The following ALK variants were observed in gnomAD, a reference collection of about 807,000 sequenced individuals.
ALK encodes ALK tyrosine kinase receptor.
ALK carries 74 observed loss-of-function variants against 163.1 expected under a neutral mutation model. That is an observed-to-expected ratio of 0.45 (90% confidence interval 0.38 to 0.55). The LOEUF is 0.55. ALK is among the 20% of genes least tolerant of loss of function. The pLI is 0.00. For synonymous variants in ALK, 960 were observed against 843.2 expected (o/e 1.14, Z -2.40); for missense variants, 2,063 against 2,105.3 (o/e 0.98, Z 0.39).
At chr2:29,329,375 T>A (rs1667371829) in intron 5 of ALK, among the ~76,000 whole-genome samples, 1 of 152,194 alleles carries the variant, frequency 6.6e-6, no homozygotes, top group African/African-American at 2.4e-5. Flanking sequence ...GGGGACCACC[T>A]CACAAGGCCT....
intron 19 of ALK, chr2:29,224,605 G>A (rs951233135): frequency 4.4e-6 from 1 of 228,198 alleles, no homozygotes; most frequent in African/African-American, 2.2e-5. Context: ...ATGGGCCAGG[G>A]CAAATGAGTC....
At chr2:29,265,574 C>T (rs547621851) in intron 11 of ALK, among the ~76,000 whole-genome samples, 83 of 152,328 alleles carry the variant, frequency 5.4e-4, no homozygotes, top group African/African-American at 1.9e-3. Flanking sequence ...TTCTTTTTAA[C>T]ATTTTTCCTA....
rs1553402765 is a variant in ALK, at chr2:29,275,439, A to C, written c.1875T>G (p.Phe625Leu). The C allele has an allele frequency of 3.7e-6, 6 of 1,614,142 alleles. No individual in the cohort carries two copies. Among genetic ancestry groups the C allele is most frequent in the Non-Finnish European group, 5.1e-6 (6 of 1,180,030 alleles). The change falls in exon 10 of 29, where the codon TTT (phenylalanine) becomes TTG (leucine). Residue 625 changes from phenylalanine to leucine, a missense_variant. By Grantham distance (22) the Phe-to-Leu change is conservative. Coordinates refer to ENST00000389048, the MANE Select transcript of ALK (RefSeq NM_004304.5). ...AGTCCAGGCTGATGGAGATATTGTC[A>C]AAAGCCACGATGGCTCTGGATCCTT... ...WGQGSRAIVA[F>L]DNISISLDCY... is the part of the protein sequence containing the mutation.
intron 3 of ALK, among the ~76,000 whole-genome samples, chr2:29,566,248 T>C (rs961418746): frequency 6.6e-6 from 1 of 152,226 alleles, no homozygotes; most frequent in African/African-American, 2.4e-5. Flanking sequence ...ATGATTTGAT[T>C]GGCCACAACA....
intron 1 of ALK, among the ~76,000 whole-genome samples, chr2:29,891,246 C>T (rs552535748): frequency 4.8e-4 from 73 of 152,272 alleles, no homozygotes; most frequent in African/African-American, 1.7e-3. Flanking sequence ...GGGGTAAAGG[C>T]TCATCTTCTT....
At chr2:29,825,239 C>G (rs1034469087) in intron 1 of ALK, among the ~76,000 whole-genome samples, 1 of 152,178 alleles carries the variant, frequency 6.6e-6, no homozygotes, top group African/African-American at 2.4e-5. Context: ...ATGTCTTTAT[C>G]AGCAGCATGA....
At chr2:29,744,409 G>T (rs1190692039) in intron 1 of ALK, among the ~76,000 whole-genome samples, 1 of 152,120 alleles carries the variant, frequency 6.6e-6, no homozygotes. Context: ...TTAAAACAAT[G>T]ACAGCATTTA....
At chr2:29,217,130 GT>G (rs1310088700) in intron 23 of ALK, among the ~76,000 whole-genome samples, 6 of 1,310 alleles carry the variant, frequency 4.6e-3, no homozygotes, top group South Asian at 0.083. Context: ...GGCGTGTGTG[GT>G]GTGTGTGTGT....
chr2:29,820,503 T>A (rs10193675), intron 1 of ALK, among the ~76,000 whole-genome samples: 6,254 of 152,292 alleles, frequency 0.041, 411 homozygotes, highest in African/African-American at 0.14. Flanking sequence ...GGGAATTTGT[T>A]ATGCTGCAGT....
chr2:29,365,066 G>A (rs1008093059), intron 5 of ALK, among the ~76,000 whole-genome samples: 2 of 152,174 alleles, frequency 1.3e-5, no homozygotes, highest in African/African-American at 4.8e-5. Context: ...GTTGAGTTCG[G>A]TGGATGCTGT....
At chr2:29,262,353 CAT>C (rs1406333671) in intron 11 of ALK, among the ~76,000 whole-genome samples, 13 of 152,312 alleles carry the variant, frequency 8.5e-5, no homozygotes, top group South Asian at 4.1e-4. Context: ...CAGGTACACA[CAT>C]GTGTGTGCTT....
chr2:29,375,566 C>G (rs151216381), intron 5 of ALK, among the ~76,000 whole-genome samples: 21,769 of 152,180 alleles, frequency 0.14, 1,783 homozygotes, highest in Non-Finnish European at 0.19. Flanking sequence ...ATCTGCCCGC[C>G]TCGGCCTCCC....
At chr2:29,793,304 A>G (rs566436333) in intron 1 of ALK, among the ~76,000 whole-genome samples, 1 of 152,250 alleles carries the variant, frequency 6.6e-6, no homozygotes, top group South Asian at 2.1e-4. Flanking sequence ...TGCTATTTCC[A>G]TCACATCTCC....
chr2:29,723,386 C>T (rs1679476623), intron 1 of ALK, among the ~76,000 whole-genome samples: 1 of 152,206 alleles, frequency 6.6e-6, no homozygotes, highest in East Asian at 1.9e-4. Context: ...AAAGAATTTC[C>T]CTGGTCATCC....
At chr2:29,472,031 C>T (rs1671358321) in intron 4 of ALK, among the ~76,000 whole-genome samples, 1 of 152,242 alleles carries the variant, frequency 6.6e-6, no homozygotes, top group South Asian at 2.1e-4. Context: ...GCGTGAGCCA[C>T]TGCACCCAGC....
intron 1 of ALK, among the ~76,000 whole-genome samples, chr2:29,831,396 G>C (rs1665416764): frequency 1.3e-5 from 2 of 151,636 alleles, no homozygotes; most frequent in African/African-American, 2.4e-5. Context: ...TAGGAGTTCT[G>C]GATATATATT....
At position 29,543,004 on chromosome 2, in the gene ALK, C is replaced by CT. The variant is rs544132970; in HGVS notation, c.953-10889dup. On this transcript the variant is annotated intron_variant, in intron 3 of 28. Transcript: ENST00000389048. ...TTATCTTTGTTTTCTCTGGGGTCAG[C>CT]TTTTTTTATATATATTGATCTTTCT... Among the ~76,000 whole-genome samples the CT allele has an allele frequency of 4.4e-3, 664 of 151,796 alleles. 3 individuals are homozygous for CT. Among genetic ancestry groups the CT allele is most frequent in the African/African-American group, 0.015 (625 of 41,430 alleles).
intron 1 of ALK, among the ~76,000 whole-genome samples, chr2:29,764,486 C>T (rs151043842): frequency 0.015 from 2,341 of 152,288 alleles, 35 homozygotes; most frequent in South Asian, 0.027. Context: ...CATTTACCGG[C>T]ACACCACTGA....
chr2:29,441,613 A>C (rs915490398), intron 4 of ALK, among the ~76,000 whole-genome samples: 1 of 152,172 alleles, frequency 6.6e-6, no homozygotes, highest in South Asian at 2.1e-4. Context: ...TGTTTTAATA[A>C]CCAGCATGAT....
Sources: gnomAD v4.1 joint callset for allele counts (sites outside exome capture counted in the v4.1 genomes callset) on GRCh38, gnomAD v4.1.1 for gene constraint, MANE v1.5 for transcripts, NCBI Gene and HGNC (gene_info 2026-07-23, HGNC 2026-07-21) for gene names.